Variants in CASZ1 observed in about 807,000 individuals in gnomAD.
CASZ1 encodes zinc finger protein castor homolog 1.
CASZ1 carries 28 observed loss-of-function variants against 135.2 expected under a neutral mutation model. The observed-to-expected ratio is 0.21, with a 90% CI of 0.15 to 0.28. The LOEUF (loss-of-function observed/expected upper bound fraction) is 0.28. Among genes scored for constraint, CASZ1 ranks in the 10% least tolerant of loss-of-function variants. CASZ1 has a pLI of 1.00. For missense variants in CASZ1, 2,161 were observed against 2,453.3 expected (o/e 0.88, Z 2.52); for synonymous variants, 1,068 against 1,073.4 (o/e 0.99, Z 0.10).
intron 4 of CASZ1, among the ~76,000 whole-genome samples, chr1:10,688,518 CTT>C (rs1570477757): frequency 6.6e-6 from 1 of 152,176 alleles, no homozygotes; most frequent in East Asian, 1.9e-4. Flanking sequence ...TAAGGCCACT[CTT>C]TCACAAAGCT....
Position 10,637,122 on chromosome 1 carries a change from T to TC in CASZ1, c.*1819_*1820insG, listed in dbSNP as rs1455831351. The TC allele has an allele frequency of 8.8e-5, 13 of 148,570 alleles. No homozygotes were observed. The highest frequency in any genetic ancestry group is 2.0e-4 in the Admixed American group (3 of 14,850). 9.2% of individuals were successfully genotyped at this position (148,570 alleles called of 1,614,324 possible). On this transcript the variant is annotated 3_prime_UTR_variant, in exon 21 of 21. Transcript: ENST00000377022. ...TGTCGGCATCTTCTTCTTTTCTTCTTTTTTTTTTTTAAGTTTGATTTTGCT... is the reference window on the plus strand; with the variant it reads ...TGTCGGCATCTTCTTCTTTTCTTCTTCTTTTTTTTTTAAGTTTGATTTTGCT...
intron 4 of CASZ1, among the ~76,000 whole-genome samples, chr1:10,672,144 G>T (rs1346432041): frequency 6.6e-6 from 1 of 151,858 alleles, no homozygotes; most frequent in East Asian, 1.9e-4. Context: ...ATCTCCCCAT[G>T]AACTCTATTT....
In CASZ1 at chr1:10,727,883, G is replaced by A. The variant is rs114361870; in HGVS notation, c.-76-22339C>T. Among the ~76,000 whole-genome samples the A allele has an allele frequency of 0.013, 2,047 of 152,336 alleles. 24 individuals carry two copies. Among genetic ancestry groups the A allele is most frequent in the Non-Finnish European group, 0.018 (1,220 of 68,020 alleles). Reference sequence around the variant, plus strand: ...TATGAGTGTTGGGGGTGAGCTGGGGGGAGAACTCAGGCTTGCCATGCCCCG... The same window carrying A: ...TATGAGTGTTGGGGGTGAGCTGGGGAGAGAACTCAGGCTTGCCATGCCCCG... On this transcript the variant is annotated intron_variant, in intron 2 of 20. Transcript: ENST00000377022. The surrounding 1 kb of genome is among the most constrained non-coding windows in gnomAD (Gnocchi z 5.3).
At position 10,755,634 on chromosome 1, in the gene CASZ1, G is replaced by C. The variant is rs900706082; in HGVS notation, c.-77+5067C>G. ...TGCGGGGTTTTCCTGCATCTGCTCC[G>C]AAGGCAGGGGGTGTGGGGAGAACGG... On this transcript the variant is annotated intron_variant, in intron 2 of 20. Coordinates refer to ENST00000377022, the MANE Select transcript of CASZ1 (RefSeq NM_001079843.3). This position sits in a 1 kb window ranked among gnomAD's most constrained non-coding sequence, Gnocchi z 4.3. Among the ~76,000 whole-genome samples the C allele has an allele frequency of 1.3e-5, 2 of 152,136 alleles. No homozygotes were observed. Among genetic ancestry groups the C allele is most frequent in the Non-Finnish European group, 2.9e-5 (2 of 68,010 alleles).
chr1:10,745,831 A>G (rs1354108379), intron 2 of CASZ1, among the ~76,000 whole-genome samples: 1 of 152,210 alleles, frequency 6.6e-6, no homozygotes, highest in Non-Finnish European at 1.5e-5. Flanking sequence ...AGAAGCTGGG[A>G]GAATTGAGAG....
At chr1:10,784,159 G>T (rs78847804) in intron 1 of CASZ1, among the ~76,000 whole-genome samples, 2,829 of 152,296 alleles carry the variant, frequency 0.019, 75 homozygotes, top group African/African-American at 0.064. Context: ...TGCCCTGGGA[G>T]AGAGGAAACC....
chr1:10,754,256 A>G (rs982197035), intron 2 of CASZ1, among the ~76,000 whole-genome samples: 1 of 152,138 alleles, frequency 6.6e-6, no homozygotes, highest in African/African-American at 2.4e-5. Context: ...CTTCCCACGC[A>G]TCGCCATCCA....
In CASZ1 at chr1:10,665,364, C is replaced by G. The variant is rs113664073; in HGVS notation, c.224G>C (p.Arg75Pro). 17 of 1,611,458 alleles carry G rather than the reference C, an allele frequency of 1.1e-5. No individual in the cohort carries two copies. In the Admixed American group the frequency reaches 2.5e-4, roughly 24 times the overall value. ...ERSGPESGAA[R>P]APRSEEDKRR... ...CTTGTCTTCCTCGCTGCGGGGGGCC[C>G]GGGCTGCCCCAGACTCAGGGCCACT... Residue 75 changes from arginine (R) to proline (P), a missense_variant, in exon 5 of 21, where the codon CGG becomes CCG. Physicochemically the swap from Arg to Pro is moderately radical, Grantham distance 103. Around this residue, in one of 7 missense-constraint regions of CASZ1, gnomAD observed 590 missense variants for 609.8 expected, o/e 0.97. Transcript: ENST00000377022.
intron 4 of CASZ1, among the ~76,000 whole-genome samples, chr1:10,680,969 C>T (rs1289143031): frequency 1.3e-5 from 2 of 152,152 alleles, no homozygotes; most frequent in African/African-American, 2.4e-5. Flanking sequence ...GGCACAATCT[C>T]GGCTCACTGC....
At position 10,639,684 on chromosome 1, in the gene CASZ1, G is replaced by C; in HGVS notation, c.4538C>G (p.Thr1513Arg). 1 of 1,598,868 alleles carries C rather than the reference G, an allele frequency of 6.3e-7. No homozygotes were observed. Among genetic ancestry groups the C allele is most frequent in the Non-Finnish European group, 8.5e-7 (1 of 1,174,344 alleles). Residue 1513 changes from threonine (T) to arginine (R), a missense_variant, in exon 21 of 21, where the codon ACG becomes AGG. By Grantham distance (71) the Thr-to-Arg change is moderately conservative. Coordinates refer to ENST00000377022, the MANE Select transcript of CASZ1 (RefSeq NM_001079843.3). The surrounding 1 kb of genome is among the most constrained non-coding windows in gnomAD (Gnocchi z 4.0). ...FADCPFSGTS[T>R]HFHCLRCRFR... is the part of the protein sequence containing the mutation. ...GCGGCAGCGCAGGCAGTGGAAGTGC[G>C]TGCTGGTGCCCGAGAAGGGGCAGTC...
chr1:10,738,030 A>G (rs1158292491), intron 2 of CASZ1, among the ~76,000 whole-genome samples: 1 of 152,102 alleles, frequency 6.6e-6, no homozygotes, highest in Non-Finnish European at 1.5e-5. Context: ...CCGGTGGGGC[A>G]GCCCCAGACA....
intron 5 of CASZ1, among the ~76,000 whole-genome samples, chr1:10,661,653 C>T (rs558313637): frequency 6.6e-5 from 10 of 151,658 alleles, no homozygotes; most frequent in South Asian, 4.1e-4. Flanking sequence ...AACACACACA[C>T]GGTCACATTC....
chr1:10,693,938 A>T (rs777475807), intron 3 of CASZ1, 26 bp from the exon 4 acceptor site: 13 of 1,609,036 alleles, frequency 8.1e-6, no homozygotes, highest in Admixed American at 6.7e-5. Context: ...CCAGGGGAAG[A>T]CCGGGAGAGA....
At position 10,676,290 on chromosome 1, in the gene CASZ1, G is replaced by C. The variant is rs1394571530; in HGVS notation, c.17-10719C>G. Among the ~76,000 whole-genome samples the C allele has an allele frequency of 6.6e-6, 1 of 152,072 alleles. No individual in the cohort carries two copies. Among genetic ancestry groups the C allele is most frequent in the Non-Finnish European group, 1.5e-5 (1 of 67,986 alleles). On this transcript the variant is annotated intron_variant, in intron 4 of 20. Transcript: ENST00000377022. The surrounding 1 kb of genome is among the most constrained non-coding windows in gnomAD (Gnocchi z 4.5). Reference sequence around the variant, plus strand: ...TCTCATTCCCTCTCCCGGAAGCCCTGGGCTCCCGCTATTGTCGGCCACGTT... The same window carrying C: ...TCTCATTCCCTCTCCCGGAAGCCCTCGGCTCCCGCTATTGTCGGCCACGTT...
At position 10,701,906 on chromosome 1, in the gene CASZ1, A is replaced by C. The variant is rs1570498806; in HGVS notation, c.-24+3586T>G. 6.6e-6 allele frequency among the ~76,000 whole-genome samples: 1 copy of C among 151,052 alleles called. No individual in the cohort carries two copies. Among genetic ancestry groups the C allele is most frequent in the East Asian group, 2.0e-4 (1 of 5,118 alleles). On this transcript the variant is annotated intron_variant, in intron 3 of 20. Coordinates refer to ENST00000377022, the MANE Select transcript of CASZ1 (RefSeq NM_001079843.3). The surrounding 1 kb of genome is among the most constrained non-coding windows in gnomAD (Gnocchi z 6.3). ...TGACAAGCCAGGCCTCAGTTTCTCC[A>C]CCTCCCCCGGCCCATCCCCCGTTGG...
chr1:10,780,588 C>T (rs191945658), intron 1 of CASZ1, among the ~76,000 whole-genome samples: 27 of 152,226 alleles, frequency 1.8e-4, no homozygotes, highest in Middle Eastern at 3.4e-3. Flanking sequence ...AGTCACCAAA[C>T]GGGGGAAAAA....
chr1:10,730,368 C>A (rs1482307155), intron 2 of CASZ1, among the ~76,000 whole-genome samples: 1 of 152,114 alleles, frequency 6.6e-6, no homozygotes, highest in Admixed American at 6.5e-5. Context: ...GATGAAGCTG[C>A]AAATATGATT....
At chr1:10,651,111 G>A in intron 11 of CASZ1, 35 bp from the exon 12 acceptor site, 1 of 1,456,852 alleles carries the variant, frequency 6.9e-7, no homozygotes. Context: ...CGTCAGAGGG[G>A]CTGAAGGCCT....
rs550354367 is a variant in CASZ1, at chr1:10,774,339, A to G, written c.-233-13482T>C. Among the ~76,000 whole-genome samples the G allele has an allele frequency of 1.1e-3, 162 of 152,244 alleles. No homozygotes were observed. Among genetic ancestry groups the G allele is most frequent in the Non-Finnish European group, 1.9e-3 (127 of 67,998 alleles). On this transcript the variant is annotated intron_variant, in intron 1 of 20. Transcript: ENST00000377022. This position sits in a 1 kb window ranked among gnomAD's most constrained non-coding sequence, Gnocchi z 4.4. Reference sequence around the variant, plus strand: ...CTCAACTCTGACTGCTTTCGGCAGCACACTGTCAAATCTGCCCTGGCCTTG... The same window carrying G: ...CTCAACTCTGACTGCTTTCGGCAGCGCACTGTCAAATCTGCCCTGGCCTTG...
Sources: allele counts gnomAD v4.1 joint callset (sites outside exome capture counted in the v4.1 genomes callset), GRCh38; gene constraint gnomAD v4.1.1; regional missense constraint gnomAD v4.1.1; non-coding constraint Gnocchi (gnomAD v3.1); transcripts MANE v1.5; gene names NCBI Gene and HGNC (gene_info 2026-07-23, HGNC 2026-07-21).